The following RARB variants were observed in gnomAD, a reference collection of about 807,000 sequenced individuals.
RARB encodes the protein HBV-activated protein.
A neutral mutation model predicts 51.9 loss-of-function variants in RARB; 17 were observed. That is an observed-to-expected ratio of 0.33 (90% CI 0.22 to 0.49). RARB has a LOEUF of 0.49. Among genes scored for constraint, RARB ranks in the 20% least tolerant of loss-of-function variants. The pLI is 0.99. For missense variants in RARB, 369 were observed against 550.8 expected, an observed-to-expected ratio of 0.67 and a Z score of 3.30; for synonymous variants, 215 against 195.4, an observed-to-expected ratio of 1.10 and a Z score of -0.84.
intron 5 of RARB, among the ~76,000 whole-genome samples, chr3:25,310,468 T>G (rs1268908993): frequency 2.6e-5 from 4 of 152,178 alleles, no homozygotes; most frequent in Non-Finnish European, 5.9e-5. Context: ...TCTACCCTTG[T>G]GGAAATAGGG....
At chr3:25,248,048 G>T (rs1197221483) in intron 5 of RARB, among the ~76,000 whole-genome samples, 3 of 152,104 alleles carry the variant, frequency 2.0e-5, no homozygotes, top group Non-Finnish European at 4.4e-5. Context: ...TATGTATCTG[G>T]ATGCTCTGGT....
intron 5 of RARB, among the ~76,000 whole-genome samples, chr3:25,189,405 A>G (rs1054406981): frequency 1.3e-5 from 2 of 152,160 alleles, no homozygotes; most frequent in African/African-American, 4.8e-5. Flanking sequence ...ATCTGAAGTA[A>G]TACTCCCTTG....
chr3:25,139,099 C>A (rs1330026903), intron 4 of RARB, among the ~76,000 whole-genome samples: 1 of 152,098 alleles, frequency 6.6e-6, no homozygotes, highest in Admixed American at 6.6e-5. Flanking sequence ...GACTGCTCAA[C>A]CCACCAAGCC....
intron 5 of RARB, among the ~76,000 whole-genome samples, chr3:25,193,920 G>A (rs1265612270): frequency 6.6e-6 from 1 of 150,530 alleles, no homozygotes; most frequent in Non-Finnish European, 1.5e-5. Context: ...CAGTTAGTAA[G>A]ATGATTATTT....
chr3:24,874,942 A>C (rs971954684), intron 2 of RARB, among the ~76,000 whole-genome samples: 2 of 152,080 alleles, frequency 1.3e-5, no homozygotes, highest in Non-Finnish European at 2.9e-5. Flanking sequence ...GTTACATTAG[A>C]AATAGACAAT....
At chr3:25,403,031 T>C (rs1707306555) in intron 5 of RARB, among the ~76,000 whole-genome samples, 1 of 151,728 alleles carries the variant, frequency 6.6e-6, no homozygotes, top group Non-Finnish European at 1.5e-5. Flanking sequence ...GGCATGGTGG[T>C]GGGCGCCTGT....
intron 1 of RARB, among the ~76,000 whole-genome samples, chr3:25,433,603 C>T (rs906705783): frequency 6.6e-6 from 1 of 152,156 alleles, no homozygotes; most frequent in Non-Finnish European, 1.5e-5. Flanking sequence ...AAAGTTGGAG[C>T]TGGGGTGATG....
intron 4 of RARB, among the ~76,000 whole-genome samples, chr3:25,165,859 A>G (rs1700552529): frequency 6.6e-6 from 1 of 152,158 alleles, no homozygotes; most frequent in Non-Finnish European, 1.5e-5. Flanking sequence ...ACATTGTAAT[A>G]TATGTGCATT....
chr3:25,374,657 A>C (rs1010461886), intron 5 of RARB, among the ~76,000 whole-genome samples: 1 of 152,108 alleles, frequency 6.6e-6, no homozygotes, highest in African/African-American at 2.4e-5. Context: ...AGAAGCCAGA[A>C]TAGATGTTAG....
chr3:25,418,563 G>A (rs1208700908), intron 5 of RARB, among the ~76,000 whole-genome samples: 2 of 151,992 alleles, frequency 1.3e-5, no homozygotes, highest in African/African-American at 4.8e-5. Context: ...AGTCTCAGAG[G>A]TCTACCATTT....
intron 2 of RARB, among the ~76,000 whole-genome samples, chr3:24,872,329 T>C (rs912871765): frequency 1.1e-4 from 17 of 152,212 alleles, no homozygotes; most frequent in Admixed American, 3.3e-4. Context: ...GGAATGTTCT[T>C]ACCTAATCCA....
intron 2 of RARB, among the ~76,000 whole-genome samples, chr3:25,464,761 T>C (rs1025477643): frequency 2.0e-5 from 3 of 152,160 alleles, no homozygotes; most frequent in Non-Finnish European, 4.4e-5. Context: ...TATTCTACCC[T>C]GGGAGGGAAC....
intron 2 of RARB, among the ~76,000 whole-genome samples, chr3:25,046,237 C>T (rs1356065298): frequency 6.6e-6 from 1 of 152,172 alleles, no homozygotes; most frequent in Non-Finnish European, 1.5e-5. Context: ...CTGATAAGCT[C>T]AAAGGCTTGT....
intron 1 of RARB, chr3:24,858,577 G>A (rs1447222353): frequency 6.6e-6 from 1 of 152,198 alleles, no homozygotes; most frequent in Non-Finnish European, 1.5e-5. Flanking sequence ...TGGAAAGGAG[G>A]TATTGTGAAG....
At chr3:25,356,742 A>G (rs1046862034) in intron 5 of RARB, among the ~76,000 whole-genome samples, 1 of 151,938 alleles carries the variant, frequency 6.6e-6, no homozygotes, top group Non-Finnish European at 1.5e-5. Context: ...TCAACTCCTA[A>G]TTATGAGTGA....
chr3:25,549,820 A>G (rs761542002), intron 3 of RARB, among the ~76,000 whole-genome samples: 3 of 151,994 alleles, frequency 2.0e-5, no homozygotes, highest in Non-Finnish European at 4.4e-5. Context: ...TTTCATGGTC[A>G]TGGCAACTGA....
intron 5 of RARB, among the ~76,000 whole-genome samples, chr3:25,582,036 C>G (rs1701198538): frequency 6.6e-6 from 1 of 152,012 alleles, no homozygotes. Flanking sequence ...TGGTACTGGG[C>G]TACCTCCAGG....
chr3:25,522,293 A>G (rs1698436129), intron 3 of RARB, among the ~76,000 whole-genome samples: 1 of 152,104 alleles, frequency 6.6e-6, no homozygotes, highest in African/African-American at 2.4e-5. Flanking sequence ...CTTGCCAGTA[A>G]ACTGCGGTTG....
chr3:25,040,515 T>C (rs983364856), intron 2 of RARB, among the ~76,000 whole-genome samples: 1 of 152,132 alleles, frequency 6.6e-6, no homozygotes, highest in East Asian at 1.9e-4. Context: ...GGCAGATCGC[T>C]TGAGGACAGA....
Sources: allele counts gnomAD v4.1 joint callset (sites outside exome capture counted in the v4.1 genomes callset), GRCh38; gene constraint gnomAD v4.1.1; transcripts MANE v1.5; gene names NCBI Gene and HGNC (gene_info 2026-07-23, HGNC 2026-07-21).